ING5: variants seen among roughly 807,000 people sequenced by gnomAD.
ING5 encodes the protein inhibitor of growth protein 5.
A neutral mutation model predicts 37.4 loss-of-function variants in ING5; 17 were observed. The ratio of observed to expected loss-of-function variants is 0.45; its 90% CI spans 0.31 to 0.68. The LOEUF (loss-of-function observed/expected upper bound fraction) is 0.68, where lower values mean the gene tolerates loss of function less well. ING5 is among the 30% of genes least tolerant of loss of function. ING5 has a pLI of 0.05. For synonymous variants in ING5, 123 were observed against 116.6 expected, an observed-to-expected ratio of 1.06 and a Z score of -0.36; for missense variants, 233 against 311.9, an observed-to-expected ratio of 0.75 and a Z score of 1.91.
At chr2:241,688,659 T>C (rs950983503) in intron 1 of ING5, among the ~76,000 whole-genome samples, 5 of 152,218 alleles carry the variant, frequency 3.3e-5, no homozygotes, top group Non-Finnish European at 7.3e-5. Context: ...AGTCCTGCTC[T>C]GTCCCCCAGG....
Position 241,724,972 on chromosome 2 carries a change from C to A in ING5, c.681-17C>A. The A allele has an allele frequency of 1.2e-6, 2 of 1,613,846 alleles. No individual in the cohort carries two copies. The highest frequency in any genetic ancestry group is 8.5e-7 in the Non-Finnish European group (1 of 1,179,798). On this transcript the variant is annotated splice_polypyrimidine_tract_variant and intron_variant, in intron 7 of 7. Transcript: ENST00000313552. ...GGAAATGGCGCCCAGGGCCTCACTG[C>A]GCCTTTCTTGTCACAGGTTCTGTCC...
chr2:241,715,472 A>ATTTTT (rs34545938), intron 5 of ING5, among the ~76,000 whole-genome samples: 33 of 70,938 alleles, frequency 4.7e-4, no homozygotes, highest in African/African-American at 5.7e-4. Flanking sequence ...CTGGAATAGA[A>ATTTTT]TTTTTTTTTT....
upstream of ING5, among the ~76,000 whole-genome samples, chr2:241,699,746 C>CG (rs1473508803): frequency 6.6e-6 from 1 of 151,834 alleles, no homozygotes; most frequent in East Asian, 1.9e-4. Context: ...TCTTGGGGCT[C>CG]GGGGAGCCTT....
chr2:241,689,269 C>T (rs554315311), intron 1 of ING5, among the ~76,000 whole-genome samples: 5 of 152,148 alleles, frequency 3.3e-5, no homozygotes, highest in South Asian at 2.1e-4. Context: ...CCTGCCACCA[C>T]GCCCAGCTAA....
At chr2:241,720,335 C>T in intron 5 of ING5, 2 of 1,214,972 alleles carry the variant, frequency 1.6e-6, no homozygotes, top group African/African-American at 3.1e-5. Flanking sequence ...AAGGCAGGTC[C>T]TGTTCCCTGC....
At chr2:241,702,555 G>T (rs1055362143) in intron 1 of ING5, among the ~76,000 whole-genome samples, 3 of 151,946 alleles carry the variant, frequency 2.0e-5, no homozygotes, top group East Asian at 3.9e-4. Flanking sequence ...CCTCCGCCTG[G>T]CTGTGCGCCC....
intron 1 of ING5, among the ~76,000 whole-genome samples, chr2:241,704,325 T>C (rs1375524532): frequency 6.6e-6 from 1 of 152,170 alleles, no homozygotes; most frequent in East Asian, 1.9e-4. Flanking sequence ...CCCAGCACTT[T>C]GAGAGGCCGA....
At chr2:241,709,044 CTGTT>C (rs1255838554) in intron 2 of ING5, 168 bp from the exon 3 acceptor site, 44 of 653,240 alleles carry the variant, frequency 6.7e-5, no homozygotes, top group African/African-American at 5.8e-4. Context: ...CGATCCCAGA[CTGTT>C]TGTGCAGAAC....
At position 241,707,665 on chromosome 2, in the gene ING5, G is replaced by C. The variant is rs143586130; in HGVS notation, c.110-1551G>C. The stretch of plus-strand genomic sequence containing the variant: ...TACAGCATCTTGACTAGGGAATACA[G>C]AGAGTTATTTTATTGTGAAATGTAA... On this transcript the variant is annotated intron_variant, in intron 2 of 7. Coordinates refer to ENST00000313552, the MANE Select transcript of ING5 (RefSeq NM_032329.6). Among the ~76,000 whole-genome samples the C allele has an allele frequency of 3.3e-5, 5 of 152,344 alleles. No homozygotes were observed. In the East Asian group the frequency reaches 7.7e-4, roughly 23 times the overall value.
chr2:241,702,063 A>G lies in ING5; in HGVS notation c.-3A>G. ...CAGACCCCGAGCGCGGCCGCGGACG[A>G]AGATGGCGACCGCCATGTACTTGGA... is the stretch of plus-strand genomic sequence containing the variant. On this transcript the variant is annotated 5_prime_UTR_variant, in exon 1 of 8. Coordinates refer to ENST00000313552, the MANE Select transcript of ING5 (RefSeq NM_032329.6). The G allele has an allele frequency of 7.2e-7, 1 of 1,387,218 alleles. No individual in the cohort carries two copies. The highest frequency in any genetic ancestry group is 1.5e-5 in the African/African-American group (1 of 65,464). 85.9% of individuals were successfully genotyped at this position (1,387,218 alleles called of 1,614,324 possible).
intron 5 of ING5, chr2:241,722,472 G>C (rs1359500957): frequency 3.0e-6 from 3 of 985,340 alleles, no homozygotes; most frequent in African/African-American, 1.7e-5. Context: ...CCCCTGCCTG[G>C]GCCCGAAGGT....
chr2:241,728,969 C>T lies in ING5; in HGVS notation c.*3938C>T, dbSNP rs1691722111. 1 of 152,252 alleles carries T rather than the reference C, an allele frequency of 6.6e-6. No individual in the cohort carries two copies. The highest frequency in any genetic ancestry group is 1.5e-5 in the Non-Finnish European group (1 of 68,062). The allele number at this position is 152,252 out of a possible 1,614,324, so 9.4% of individuals were successfully genotyped here. On this transcript the variant is annotated 3_prime_UTR_variant, in exon 8 of 8. Coordinates refer to ENST00000313552, the MANE Select transcript of ING5 (RefSeq NM_032329.6). The stretch of plus-strand genomic sequence containing the variant: ...CCTGTCCTGTCGTTGGGAGCCCTGG[C>T]TGGGGCTGCTTTGAGCAATGACGCT...
At chr2:241,724,651 A>C (rs1575142872) in intron 7 of ING5, 1 of 359,130 alleles carries the variant, frequency 2.8e-6, no homozygotes, top group Non-Finnish European at 5.2e-6. Flanking sequence ...CGTGCTTGGT[A>C]CCTGCAGCCC....
At chr2:241,720,656 C>A (rs781459137) in intron 5 of ING5, 5 of 985,644 alleles carry the variant, frequency 5.1e-6, no homozygotes, top group African/African-American at 3.5e-5. Flanking sequence ...CCATCGGGGC[C>A]GGGCGCGGAA....
intron 3 of ING5, among the ~76,000 whole-genome samples, chr2:241,710,076 G>C (rs892594570): frequency 6.6e-6 from 1 of 150,976 alleles, no homozygotes; most frequent in Non-Finnish European, 1.5e-5. Context: ...CCGAGTAGCT[G>C]AGATTACAGG....
chr2:241,688,124 G>C (rs1291730025), intron 1 of ING5: 1 of 152,190 alleles, frequency 6.6e-6, no homozygotes, highest in Admixed American at 6.5e-5. Flanking sequence ...CATATTGTCA[G>C]TTGTCAGCTA....
intron 2 of ING5, among the ~76,000 whole-genome samples, chr2:241,694,737 C>T (rs867697389): frequency 1.3e-4 from 19 of 146,546 alleles, no homozygotes; most frequent in East Asian, 4.3e-4. Context: ...GTGCAATACT[C>T]GGCCAGGCAT....
upstream of ING5, among the ~76,000 whole-genome samples, chr2:241,698,170 CGT>C (rs1280965712): frequency 6.6e-6 from 1 of 150,640 alleles, no homozygotes; most frequent in Non-Finnish European, 1.5e-5. Context: ...TCGGGCCCGC[CGT>C]GGTGGCTCAC....
intron 3 of ING5, among the ~76,000 whole-genome samples, chr2:241,710,644 C>T (rs2070080521): frequency 1.3e-5 from 2 of 152,158 alleles, no homozygotes; most frequent in African/African-American, 4.8e-5. Flanking sequence ...GCCACCAAGC[C>T]CGGCTAATTT....
Sources: allele counts gnomAD v4.1 joint callset (sites outside exome capture counted in the v4.1 genomes callset), GRCh38; gene constraint gnomAD v4.1.1; transcripts MANE v1.5; gene names NCBI Gene and HGNC (gene_info 2026-07-23, HGNC 2026-07-21).